SHISA9: variants seen among roughly 807,000 people sequenced by gnomAD.
The protein encoded by SHISA9 is protein shisa-9.
SHISA9 carries 13 observed loss-of-function variants against 38.0 expected under a neutral mutation model. The observed-to-expected ratio is 0.34, with a 90% CI of 0.22 to 0.54. The LOEUF is 0.54. Among genes scored for constraint, SHISA9 ranks in the 20% least tolerant of loss-of-function variants. SHISA9 has a pLI of 0.91. For synonymous variants in SHISA9, 275 were observed against 242.0 expected (o/e 1.14, Z -1.27); for missense variants, 538 against 575.8 (o/e 0.93, Z 0.67).
chr16:13,164,201 A>G (rs1007973611), intron 2 of SHISA9, among the ~76,000 whole-genome samples: 1 of 152,004 alleles, frequency 6.6e-6, no homozygotes, highest in African/African-American at 2.4e-5. Context: ...GGTGATACAC[A>G]TTGCATTTTA....
chr16:13,475,700 C>A, the SHISA9 span, among the ~76,000 whole-genome samples: 13 of 152,010 alleles, frequency 8.6e-5, no homozygotes, highest in African/African-American at 3.1e-4. Flanking sequence ...GATAACATTG[C>A]AATATATAAT....
At chr16:13,346,075 T>A in the SHISA9 span, among the ~76,000 whole-genome samples, 1 of 152,186 alleles carries the variant, frequency 6.6e-6, no homozygotes, top group Non-Finnish European at 1.5e-5. Context: ...TATTGTATAT[T>A]GTACCCATTA....
chr16:13,140,677 CAT>C (rs1448302862), intron 2 of SHISA9, among the ~76,000 whole-genome samples: 1 of 152,166 alleles, frequency 6.6e-6, no homozygotes, highest in Non-Finnish European at 1.5e-5. Flanking sequence ...TCTGTGTAAA[CAT>C]GTGAATAGAT....
Position 12,999,870 on chromosome 16 carries a change from A to G in SHISA9, c.691+83055A>G, listed in dbSNP as rs55975026. On this transcript the variant is annotated intron_variant, in intron 2 of 4. Coordinates refer to ENST00000558583, the MANE Select transcript of SHISA9 (RefSeq NM_001145204.3). ...CAAGTGTCCAACATCACTTTCTCTC[A>G]CATTCCATTGGCCAGAACTAGTCAC... is the stretch of plus-strand genomic sequence containing the variant. Among the ~76,000 whole-genome samples the G allele has an allele frequency of 4.1e-3, 629 of 152,276 alleles. 4 individuals are homozygous for G. Among genetic ancestry groups the G allele is most frequent in the African/African-American group, 0.015 (603 of 41,542 alleles).
At chr16:13,294,956 C>A in the SHISA9 span, among the ~76,000 whole-genome samples, 1 of 152,146 alleles carries the variant, frequency 6.6e-6, no homozygotes, top group Non-Finnish European at 1.5e-5. Flanking sequence ...ACTCCACTTA[C>A]ATTAATTCAT....
At chr16:13,195,606 A>G (rs956894140) in intron 2 of SHISA9, among the ~76,000 whole-genome samples, 3 of 152,174 alleles carry the variant, frequency 2.0e-5, no homozygotes, top group Non-Finnish European at 4.4e-5. Flanking sequence ...AAAAAAGGGG[A>G]AAATAGAATA....
At chr16:13,230,055 G>C (rs867570033) in intron 4 of SHISA9, among the ~76,000 whole-genome samples, 1 of 152,142 alleles carries the variant, frequency 6.6e-6, no homozygotes, top group African/African-American at 2.4e-5. Context: ...AGGCCCCTTT[G>C]TGTGCCCTTT....
At chr16:13,212,116 CG>C (rs1273469087) in intron 3 of SHISA9, among the ~76,000 whole-genome samples, 1 of 152,154 alleles carries the variant, frequency 6.6e-6, no homozygotes, top group Non-Finnish European at 1.5e-5. Context: ...TAAATGGGGC[CG>C]GATCTGTGCT....
the SHISA9 span, among the ~76,000 whole-genome samples, chr16:13,262,678 GAGGAAGGAAGGA>G: frequency 1.8e-5 from 1 of 55,864 alleles, no homozygotes; most frequent in Non-Finnish European, 3.4e-5. Flanking sequence ...GGAAGGGAGG[GAGGAAGGAAGGA>G]AGGAAGGAAG....
intron 2 of SHISA9, among the ~76,000 whole-genome samples, chr16:13,149,418 C>T (rs1033609695): frequency 6.6e-6 from 1 of 152,156 alleles, no homozygotes; most frequent in African/African-American, 2.4e-5. Context: ...CCTGAATCCA[C>T]TTACCAGCAG....
At chr16:13,537,429 A>C in the SHISA9 span, among the ~76,000 whole-genome samples, 3 of 146,744 alleles carry the variant, frequency 2.0e-5, no homozygotes, top group Non-Finnish European at 4.5e-5. Context: ...ACTTCACCTC[A>C]AAAAAAAAAA....
chr16:13,308,588 C>T, the SHISA9 span, among the ~76,000 whole-genome samples: 2 of 152,170 alleles, frequency 1.3e-5, no homozygotes, highest in South Asian at 2.1e-4. Flanking sequence ...TTCCCTCCCT[C>T]CAATTCTATC....
At chr16:13,500,596 G>T in the SHISA9 span, among the ~76,000 whole-genome samples, 1 of 151,084 alleles carries the variant, frequency 6.6e-6, no homozygotes, top group Non-Finnish European at 1.5e-5. Context: ...GAAAAAGACA[G>T]AGTGGAGTGT....
chr16:13,551,649 C>T, the SHISA9 span, among the ~76,000 whole-genome samples: 2 of 152,202 alleles, frequency 1.3e-5, no homozygotes, highest in African/African-American at 4.8e-5. Flanking sequence ...ACTCCCCACA[C>T]ACAGCAGGCA....
the SHISA9 span, among the ~76,000 whole-genome samples, chr16:13,465,855 G>A: frequency 1.3e-5 from 2 of 152,230 alleles, no homozygotes; most frequent in South Asian, 4.1e-4. Context: ...GTTTTGACAA[G>A]TAGTTTCATT....
At chr16:13,449,278 C>G in the SHISA9 span, among the ~76,000 whole-genome samples, 1 of 152,034 alleles carries the variant, frequency 6.6e-6, no homozygotes, top group African/African-American at 2.4e-5. Context: ...AGGAATAGAC[C>G]AAAATGTTCA....
the SHISA9 span, among the ~76,000 whole-genome samples, chr16:13,402,512 C>CTTT: frequency 2.2e-4 from 27 of 125,276 alleles, no homozygotes; most frequent in African/African-American, 2.8e-4. Flanking sequence ...AGAGGGTGGT[C>CTTT]TTTTTTTTTT....
intron 3 of SHISA9, among the ~76,000 whole-genome samples, chr16:13,205,538 C>T (rs1386102046): frequency 6.6e-6 from 1 of 152,166 alleles, no homozygotes; most frequent in African/African-American, 2.4e-5. Context: ...TAGCCTTGGG[C>T]AACATTTGGC....
At chr16:13,293,041 C>A in the SHISA9 span, among the ~76,000 whole-genome samples, 1 of 152,164 alleles carries the variant, frequency 6.6e-6, no homozygotes, top group Non-Finnish European at 1.5e-5. Flanking sequence ...TTCCCCCCTG[C>A]AAACTGCTGT....
Sources: gnomAD v4.1 joint callset for allele counts (sites outside exome capture counted in the v4.1 genomes callset) on GRCh38, gnomAD v4.1.1 for gene constraint, MANE v1.5 for transcripts, NCBI Gene and HGNC (gene_info 2026-07-23, HGNC 2026-07-21) for gene names.